Variants in ROBO2 observed in about 807,000 individuals in gnomAD.
ROBO2 encodes roundabout guidance receptor 2.
ROBO2 carries 53 observed loss-of-function variants against 160.8 expected under a neutral mutation model. That is an observed-to-expected ratio of 0.33 (90% CI 0.26 to 0.41). ROBO2 has a LOEUF of 0.41. Among genes scored for constraint, ROBO2 ranks in the 10% least tolerant of loss-of-function variants. The probability of loss-of-function intolerance (pLI) is 1.00; values close to 1 mark genes in which losing one functional copy is unlikely to be tolerated. For synonymous variants in ROBO2, 664 were observed against 611.7 expected, an observed-to-expected ratio of 1.09 and a Z score of -1.26; for missense variants, 1,577 against 1,722.4, an observed-to-expected ratio of 0.92 and a Z score of 1.49.
chr3:76,061,967 C>T (rs2068083943), intron 2 of ROBO2, among the ~76,000 whole-genome samples: 1 of 152,094 alleles, frequency 6.6e-6, no homozygotes, highest in Admixed American at 6.5e-5. Context: ...GTCACATCTC[C>T]CTCTGACTCT....
intron 2 of ROBO2, among the ~76,000 whole-genome samples, chr3:76,747,887 AG>A (rs1253563764): frequency 6.6e-6 from 1 of 152,042 alleles, no homozygotes; most frequent in Non-Finnish European, 1.5e-5. Context: ...CTCTGAAATT[AG>A]TTTATGGGTT....
intron 2 of ROBO2, among the ~76,000 whole-genome samples, chr3:77,423,203 G>A (rs956470030): frequency 2.6e-5 from 4 of 152,012 alleles, no homozygotes; most frequent in African/African-American, 4.8e-5. Context: ...TAATCTTACC[G>A]TTTAGTTTCT....
chr3:76,975,279 C>T (rs976628517), intron 2 of ROBO2, among the ~76,000 whole-genome samples: 1 of 152,010 alleles, frequency 6.6e-6, no homozygotes, highest in African/African-American at 2.4e-5. Flanking sequence ...CTGAGGCGGG[C>T]AGATTACCTG....
At chr3:76,011,130 C>T (rs948836730) in intron 2 of ROBO2, among the ~76,000 whole-genome samples, 1 of 152,130 alleles carries the variant, frequency 6.6e-6, no homozygotes, top group Non-Finnish European at 1.5e-5. Flanking sequence ...CCTTTCCTAC[C>T]ATGTATACTC....
intron 2 of ROBO2, among the ~76,000 whole-genome samples, chr3:76,707,474 G>A (rs1276090843): frequency 6.6e-6 from 1 of 151,834 alleles, no homozygotes; most frequent in Non-Finnish European, 1.5e-5. Flanking sequence ...CTACCTGTGT[G>A]GAAAAATTCA....
At chr3:77,523,266 T>C (rs771896005) in intron 6 of ROBO2, among the ~76,000 whole-genome samples, 21 of 151,438 alleles carry the variant, frequency 1.4e-4, no homozygotes, top group Non-Finnish European at 3.0e-4. Flanking sequence ...TCTCATGCTT[T>C]CTGTTTACTA....
intron 1 of ROBO2, among the ~76,000 whole-genome samples, chr3:75,907,120 G>T (rs1946379991): frequency 6.6e-6 from 1 of 152,192 alleles, no homozygotes; most frequent in African/African-American, 2.4e-5. Context: ...AGGGTCGGTG[G>T]GTGGTTGCGA....
At chr3:76,834,899 C>T (rs9860569) in intron 2 of ROBO2, among the ~76,000 whole-genome samples, 5 of 152,160 alleles carry the variant, frequency 3.3e-5, no homozygotes, top group African/African-American at 9.6e-5. Flanking sequence ...CAACATTTGC[C>T]GTTCTGTTTA....
intron 2 of ROBO2, among the ~76,000 whole-genome samples, chr3:77,188,765 A>T (rs1169489269): frequency 6.6e-6 from 1 of 151,872 alleles, no homozygotes; most frequent in Non-Finnish European, 1.5e-5. Flanking sequence ...AAATTATGAA[A>T]ATCGGCCACT....
intron 2 of ROBO2, among the ~76,000 whole-genome samples, chr3:76,342,791 C>T (rs759722409): frequency 6.6e-6 from 1 of 151,752 alleles, no homozygotes; most frequent in African/African-American, 2.4e-5. Flanking sequence ...TATTAGAGGC[C>T]CACTTAATAG....
intron 2 of ROBO2, among the ~76,000 whole-genome samples, chr3:77,141,806 C>A (rs1001561036): frequency 6.6e-6 from 1 of 152,154 alleles, no homozygotes; most frequent in Non-Finnish European, 1.5e-5. Context: ...ACCAAACAAG[C>A]TTACTGAATG....
At chr3:76,479,075 T>G (rs2079081566) in intron 2 of ROBO2, among the ~76,000 whole-genome samples, 1 of 152,168 alleles carries the variant, frequency 6.6e-6, no homozygotes, top group African/African-American at 2.4e-5. Flanking sequence ...TAAGATGGCC[T>G]GGTTCTCACC....
At chr3:77,310,182 A>G (rs2063422351) in intron 2 of ROBO2, among the ~76,000 whole-genome samples, 1 of 152,014 alleles carries the variant, frequency 6.6e-6, no homozygotes, top group Admixed American at 6.6e-5. Context: ...GTACACATAA[A>G]CTCAAATTAA....
intron 2 of ROBO2, among the ~76,000 whole-genome samples, chr3:76,182,596 G>A (rs1197205052): frequency 6.6e-6 from 1 of 152,020 alleles, no homozygotes; most frequent in Non-Finnish European, 1.5e-5. Context: ...TCTACAAGTT[G>A]ACGGCTCCAT....
intron 2 of ROBO2, among the ~76,000 whole-genome samples, chr3:77,316,550 TA>T (rs2064012702): frequency 6.6e-6 from 1 of 152,184 alleles, no homozygotes; most frequent in South Asian, 2.1e-4. Context: ...CCAAGTCTAC[TA>T]CTGAAAGGAT....
chr3:77,397,618 G>T (rs1037641559), intron 2 of ROBO2, among the ~76,000 whole-genome samples: 1 of 152,066 alleles, frequency 6.6e-6, no homozygotes, highest in Non-Finnish European at 1.5e-5. Flanking sequence ...TGGCAAAAAT[G>T]TATATCTTTC....
intron 2 of ROBO2, among the ~76,000 whole-genome samples, chr3:75,992,786 C>T (rs1473967841): frequency 6.6e-6 from 1 of 152,194 alleles, no homozygotes; most frequent in Non-Finnish European, 1.5e-5. Context: ...GCCACAGGGG[C>T]AGAGCTGCCC....
At chr3:77,584,745 T>C (rs2093999880) in intron 16 of ROBO2, among the ~76,000 whole-genome samples, 1 of 151,958 alleles carries the variant, frequency 6.6e-6, no homozygotes, top group African/African-American at 2.4e-5. Context: ...CCTACAATCT[T>C]GTCCTTCTGA....
chr3:76,339,868 C>T (rs1371168029), intron 2 of ROBO2, among the ~76,000 whole-genome samples: 1 of 151,998 alleles, frequency 6.6e-6, no homozygotes, highest in Non-Finnish European at 1.5e-5. Flanking sequence ...ATGTTTGTGT[C>T]TGTAACACAA....
Sources: allele counts gnomAD v4.1 joint callset (sites outside exome capture counted in the v4.1 genomes callset), GRCh38; gene constraint gnomAD v4.1.1; transcripts MANE v1.5; gene names NCBI Gene and HGNC (gene_info 2026-07-23, HGNC 2026-07-21).